Variants in ZNF695 observed in about 807,000 individuals in gnomAD.
The protein encoded by ZNF695 is zinc finger protein SBZF3.
Under a neutral mutation model 11.2 loss-of-function variants are expected in ZNF695, and 11 were observed. That is an observed-to-expected ratio of 0.98 (90% CI 0.62 to 1.62). The LOEUF is 1.62. Ranked by LOEUF, ZNF695 falls within the 40% of genes most tolerant of loss-of-function variation. The probability of loss-of-function intolerance (pLI) is 0.00; values close to 1 mark genes in which losing one functional copy is unlikely to be tolerated. For missense variants in ZNF695, 559 were observed against 590.5 expected (o/e 0.95, Z 0.55); for synonymous variants, 190 against 201.4 (o/e 0.94, Z 0.48).
chr1:246,987,862 C>T lies in ZNF695; in HGVS notation c.653G>A (p.Gly218Asp). Reference protein sequence around the residue: ...GENPYQCKKCGKAFNECSCFT... With the variant: ...GENPYQCKKCDKAFNECSCFT... ...GCATGAGCACTCATTAAAGGCTTTG[C>T]CACATTTTTTACATTGGTACGGGTT... Residue 218 changes from glycine to aspartate, a missense_variant, in exon 4 of 4, where the codon GGC becomes GAC. Gly to Asp is a moderately conservative substitution (Grantham distance 94, BLOSUM62 -1). Transcript: ENST00000339986. 6.2e-7 allele frequency: 1 copy of T among 1,609,130 alleles called. No individual in the cohort carries two copies. Among genetic ancestry groups the T allele is most frequent in the Non-Finnish European group, 8.5e-7 (1 of 1,178,694 alleles).
At chr1:246,948,819 G>A (rs1447394747) in intron 5 of ZNF695, among the ~76,000 whole-genome samples, 4 of 152,052 alleles carry the variant, frequency 2.6e-5, no homozygotes, top group South Asian at 2.1e-4. Flanking sequence ...CCTGCCATTC[G>A]CCTCATTGCT....
At chr1:246,988,486 G>A (rs1032540639) in intron 3 of ZNF695, among the ~76,000 whole-genome samples, 2 of 152,126 alleles carry the variant, frequency 1.3e-5, no homozygotes, top group Non-Finnish European at 2.9e-5. Flanking sequence ...TGAAGCTCCA[G>A]TACGCCTCAC....
chr1:246,986,939 C>T lies in ZNF695; in HGVS notation c.*28G>A, dbSNP rs756656958. On this transcript the variant is annotated 3_prime_UTR_variant, in exon 4 of 4. Coordinates refer to ENST00000339986, the MANE Select transcript of ZNF695 (RefSeq NM_020394.5). Reference sequence around the variant, plus strand: ...TGTGAATAGGTATTAAAGACTATGCCATATTGTTTAGAATTGTAGGGTTTT... The same window carrying T: ...TGTGAATAGGTATTAAAGACTATGCTATATTGTTTAGAATTGTAGGGTTTT... 22 of 1,537,130 alleles carry T rather than the reference C, an allele frequency of 1.4e-5. No homozygotes were observed. In the South Asian group the frequency reaches 2.1e-4, roughly 15 times the overall value.
At chr1:246,960,710 C>T (rs1450335746) in intron 5 of ZNF695, among the ~76,000 whole-genome samples, 1 of 152,120 alleles carries the variant, frequency 6.6e-6, no homozygotes, top group East Asian at 1.9e-4. Context: ...GAGGCTGAGG[C>T]CGGTGGATCC....
intron 4 of ZNF695, among the ~76,000 whole-genome samples, chr1:246,970,376 C>T (rs141601689): frequency 1.6e-4 from 25 of 152,140 alleles, no homozygotes; most frequent in African/African-American, 5.1e-4. Context: ...AGGCAATTTT[C>T]GAGTTGTTGT....
intron 5 of ZNF695, among the ~76,000 whole-genome samples, chr1:246,953,715 G>A (rs915545656): frequency 7.9e-5 from 12 of 152,034 alleles, no homozygotes; most frequent in Admixed American, 2.6e-4. Context: ...CTGAGGTCAG[G>A]AGTTCAAAAC....
At chr1:246,965,743 A>G (rs983748719) in intron 5 of ZNF695, among the ~76,000 whole-genome samples, 1 of 152,064 alleles carries the variant, frequency 6.6e-6, no homozygotes, top group Non-Finnish European at 1.5e-5. Flanking sequence ...CCTGGGTGAC[A>G]GTGCAAAAAA....
chr1:246,965,444 T>C (rs977982502), intron 5 of ZNF695, among the ~76,000 whole-genome samples: 6 of 150,738 alleles, frequency 4.0e-5, no homozygotes, highest in African/African-American at 1.5e-4. Context: ...TGCTCAAGAT[T>C]CTGCAGAGTT....
At chr1:247,005,936 C>T (rs1322136722) in intron 1 of ZNF695, among the ~76,000 whole-genome samples, 1 of 152,072 alleles carries the variant, frequency 6.6e-6, no homozygotes, top group Non-Finnish European at 1.5e-5. Flanking sequence ...TTTTAAAAAG[C>T]CACTCATGGC....
At chr1:246,974,861 C>G (rs1181383611) in intron 4 of ZNF695, among the ~76,000 whole-genome samples, 2 of 152,172 alleles carry the variant, frequency 1.3e-5, no homozygotes, top group African/African-American at 2.4e-5. Context: ...CCACAGTGGC[C>G]TTATTGACTT....
chr1:247,007,873 C>T (rs1221463763), intron 1 of ZNF695, 33 bp downstream of exon 1: 1 of 1,540,098 alleles, frequency 6.5e-7, no homozygotes, highest in Non-Finnish European at 8.8e-7. Flanking sequence ...CACCCCCTCT[C>T]CCTTCTCGGG....
intron 5 of ZNF695, among the ~76,000 whole-genome samples, chr1:246,949,270 G>A (rs1216177365): frequency 6.6e-6 from 1 of 152,108 alleles, no homozygotes; most frequent in East Asian, 1.9e-4. Context: ...GTTGGATCTA[G>A]TGAGACTAGT....
At chr1:246,991,255 A>AC (rs1669023979) in intron 3 of ZNF695, among the ~76,000 whole-genome samples, 1 of 152,110 alleles carries the variant, frequency 6.6e-6, no homozygotes, top group African/African-American at 2.4e-5. Context: ...AACACAGACA[A>AC]CCAAAAAAAA....
At chr1:246,953,055 G>T (rs1667904869) in intron 5 of ZNF695, among the ~76,000 whole-genome samples, 1 of 152,116 alleles carries the variant, frequency 6.6e-6, no homozygotes, top group Non-Finnish European at 1.5e-5. Flanking sequence ...GGTTCCCAAT[G>T]GCTGGACTGT....
rs966404329 is a variant in ZNF695, at chr1:246,985,499, A to C, written c.*1468T>G. 1.4e-5 allele frequency: 14 copies of C among 985,264 alleles called. No individual in the cohort carries two copies. Among genetic ancestry groups the C allele is most frequent in the Non-Finnish European group, 1.4e-5 (12 of 829,902 alleles). The allele number at this position is 985,264 out of a possible 1,614,324, so 61.0% of individuals were successfully genotyped here. A position where few individuals can be genotyped will look rare whatever the true frequency, so the allele number is the denominator to read the frequency against. On this transcript the variant is annotated 3_prime_UTR_variant, in exon 4 of 4. Transcript: ENST00000339986. The stretch of plus-strand genomic sequence containing the variant: ...ATACTATTCCACCATGTTACCCACT[A>C]TTGTATTGTTACCATTTGTTACCTA...
At chr1:246,946,256 A>G (rs1667731981) in intron 5 of ZNF695, among the ~76,000 whole-genome samples, 1 of 152,148 alleles carries the variant, frequency 6.6e-6, no homozygotes, top group African/African-American at 2.4e-5. Context: ...CTATCACTAT[A>G]TGACAGAGCG....
rs1314036783 is a variant in ZNF695, at chr1:247,000,027, C to T, written c.51G>A (p.Glu17=). The T allele has an allele frequency of 2.5e-6, 4 of 1,613,838 alleles. No individual in the cohort carries two copies. Among genetic ancestry groups the T allele is most frequent in the South Asian group, 1.1e-5 (1 of 91,010 alleles). ...RDVALEFSPE[E]WECLDPAQRS... ...GCTGAGCTGGGTCCAGGCATTCCCA[C>T]TCCTCTGGAGAGAATTCTAGAGCCA... Residue 17 remains glutamate, a synonymous_variant, in exon 2 of 4, where the codon GAG becomes GAA. Transcript: ENST00000339986.
chr1:246,979,239 G>A (rs1021410439), intron 4 of ZNF695, among the ~76,000 whole-genome samples: 6 of 152,060 alleles, frequency 3.9e-5, no homozygotes, highest in African/African-American at 1.5e-4. Context: ...CCTTTGGTGG[G>A]TTGTTTTTGG....
chr1:247,002,738 G>A (rs1250692013), intron 1 of ZNF695, among the ~76,000 whole-genome samples: 1 of 151,940 alleles, frequency 6.6e-6, no homozygotes, highest in East Asian at 1.9e-4. Flanking sequence ...AGCTGAGATC[G>A]TGTCACTGCA....
Sources: allele counts gnomAD v4.1 joint callset (sites outside exome capture counted in the v4.1 genomes callset), GRCh38; gene constraint gnomAD v4.1.1; transcripts MANE v1.5; gene names NCBI Gene and HGNC (gene_info 2026-07-23, HGNC 2026-07-21).